Variants in OLA1 observed in about 807,000 individuals in gnomAD.
OLA1 encodes obg-like ATPase 1.
OLA1 carries 14 observed loss-of-function variants against 48.4 expected under a neutral mutation model. The observed-to-expected ratio is 0.29, with a 90% CI of 0.19 to 0.45. OLA1 has a LOEUF of 0.45. Ranked by LOEUF, OLA1 falls within the 20% of genes least tolerant of loss-of-function variation. OLA1 has a pLI of 1.00. For synonymous variants in OLA1, 127 were observed against 150.4 expected, an observed-to-expected ratio of 0.84 and a Z score of 1.14; for missense variants, 325 against 467.1, an observed-to-expected ratio of 0.70 and a Z score of 2.80.
At chr2:174,165,343 A>G (rs562540135) in intron 4 of OLA1, among the ~76,000 whole-genome samples, 1 of 152,342 alleles carries the variant, frequency 6.6e-6, no homozygotes, top group Non-Finnish European at 1.5e-5. Context: ...TCCAACTGAC[A>G]TAAGAGGTGA....
chr2:174,223,548 A>C (rs186257836), intron 3 of OLA1, among the ~76,000 whole-genome samples: 72 of 152,202 alleles, frequency 4.7e-4, no homozygotes, highest in Non-Finnish European at 6.6e-4. Context: ...GCCAGACACT[A>C]AATTAAGTAT....
rs2105385132 is a variant in OLA1, at chr2:174,147,082, T to C, written c.374-5082A>G. Among the ~76,000 whole-genome samples the C allele has an allele frequency of 2.0e-5, 3 of 152,214 alleles. No homozygotes were observed. The East Asian group carries it at 5.8e-4, about 29-fold the overall frequency. ...GAGCAGCAGAAGAAAACTACACTCA[T>C]ACAAGCATTAAAATCAAGTCACACA... On this transcript the variant is annotated intron_variant, in intron 4 of 10. Coordinates refer to ENST00000284719, the MANE Select transcript of OLA1 (RefSeq NM_013341.5).
At chr2:174,213,494 G>GA (rs149626018) in intron 4 of OLA1, among the ~76,000 whole-genome samples, 19 of 145,290 alleles carry the variant, frequency 1.3e-4, no homozygotes, top group East Asian at 8.0e-4. Flanking sequence ...TGTGTCAAAA[G>GA]AAAAAAAAAA....
intron 5 of OLA1, among the ~76,000 whole-genome samples, chr2:174,128,526 T>C (rs539175722): frequency 6.6e-6 from 1 of 152,018 alleles, no homozygotes; most frequent in East Asian, 1.9e-4. Flanking sequence ...GGTCAGGAGT[T>C]TGAGAACAGC....
intron 5 of OLA1, among the ~76,000 whole-genome samples, chr2:174,139,521 C>T (rs745506936): frequency 2.0e-5 from 3 of 152,212 alleles, no homozygotes; most frequent in Admixed American, 1.3e-4. Context: ...CCCACTCCTG[C>T]CTTCTTTATT....
At chr2:174,136,414 T>A (rs1481755211) in intron 5 of OLA1, among the ~76,000 whole-genome samples, 1 of 152,232 alleles carries the variant, frequency 6.6e-6, no homozygotes, top group Non-Finnish European at 1.5e-5. Flanking sequence ...AGATTCCATC[T>A]CAAGAAACCA....
intron 7 of OLA1, among the ~76,000 whole-genome samples, chr2:174,085,117 T>C (rs1462059609): frequency 1.3e-5 from 2 of 152,188 alleles, no homozygotes; most frequent in African/African-American, 2.4e-5. Context: ...GGAAATGCCA[T>C]TAGTTGTATT....
intron 7 of OLA1, among the ~76,000 whole-genome samples, chr2:174,100,558 C>T (rs1387479081): frequency 2.6e-5 from 4 of 152,142 alleles, no homozygotes; most frequent in Non-Finnish European, 5.9e-5. Flanking sequence ...GCATTCACCA[C>T]CACACATAGC....
chr2:174,074,562 T>C lies in OLA1; in HGVS notation c.*864A>G, dbSNP rs1237049841. On this transcript the variant is annotated 3_prime_UTR_variant, in exon 11 of 11. Coordinates refer to ENST00000284719, the MANE Select transcript of OLA1 (RefSeq NM_013341.5). The stretch of plus-strand genomic sequence containing the variant: ...TCAGTGTAGGAACTTTTATACACAT[T>C]GCTGAATTGAAGCAAAACATAACCC... 1 of 152,262 alleles carries C rather than the reference T, an allele frequency of 6.6e-6. No individual in the cohort carries two copies. Among genetic ancestry groups the C allele is most frequent in the Non-Finnish European group, 1.5e-5 (1 of 68,048 alleles). 9.4% of individuals were successfully genotyped at this position (152,262 alleles called of 1,614,324 possible). A position where few individuals can be genotyped will look rare whatever the true frequency, so the allele number is the denominator to read the frequency against.
In OLA1 at chr2:174,079,495, T is replaced by G. The variant is rs1257884896; in HGVS notation, c.967-405A>C. 6 of 153,174 alleles carry G rather than the reference T, an allele frequency of 3.9e-5. No individual in the cohort carries two copies. In the Admixed American group the frequency reaches 3.9e-4, roughly 10 times the overall value. The allele number at this position is 153,174 out of a possible 1,614,324, so 9.5% of individuals were successfully genotyped here. ...AATTTCAGCTCATCTAAAGAACATA[T>G]AAAAATCAATATACAAAGGGACATT... is the stretch of plus-strand genomic sequence containing the variant. On this transcript the variant is annotated intron_variant, in intron 9 of 10. Coordinates refer to ENST00000284719, the MANE Select transcript of OLA1 (RefSeq NM_013341.5).
intron 4 of OLA1, among the ~76,000 whole-genome samples, chr2:174,216,746 C>T (rs921307698): frequency 2.6e-5 from 4 of 151,774 alleles, no homozygotes; most frequent in African/African-American, 9.7e-5. Context: ...GTGGATCTCT[C>T]TATGTTGACC....
At chr2:174,210,386 C>T (rs1055129480) in intron 4 of OLA1, among the ~76,000 whole-genome samples, 4 of 152,086 alleles carry the variant, frequency 2.6e-5, no homozygotes, top group South Asian at 2.1e-4. Flanking sequence ...TTAAAATACG[C>T]ATACATCATT....
intron 9 of OLA1, among the ~76,000 whole-genome samples, chr2:174,080,701 G>A (rs549110370): frequency 1.3e-5 from 2 of 152,202 alleles, no homozygotes; most frequent in East Asian, 3.9e-4. Flanking sequence ...GTGTATCTAT[G>A]AAGAGCATAA....
chr2:174,238,278 C>A (rs1039157482), intron 2 of OLA1, among the ~76,000 whole-genome samples: 4 of 152,062 alleles, frequency 2.6e-5, no homozygotes, highest in Non-Finnish European at 5.9e-5. Flanking sequence ...GGCGGATCAC[C>A]TGAGGTCAGG....
At chr2:174,136,159 G>A (rs985597546) in intron 5 of OLA1, among the ~76,000 whole-genome samples, 2 of 152,140 alleles carry the variant, frequency 1.3e-5, no homozygotes, top group African/African-American at 4.8e-5. Flanking sequence ...AGGTTGGGTG[G>A]CTGTGACAAT....
intron 4 of OLA1, among the ~76,000 whole-genome samples, chr2:174,204,290 A>G (rs1688060873): frequency 6.6e-6 from 1 of 151,880 alleles, no homozygotes; most frequent in Non-Finnish European, 1.5e-5. Context: ...AGTCCCAGCT[A>G]CTCGGGAGGC....
In OLA1 at chr2:174,246,734, C is replaced by T; in HGVS notation, c.82G>A (p.Val28Ile). 1 of 1,610,148 alleles carries T rather than the reference C, an allele frequency of 6.2e-7. No homozygotes were observed. Among genetic ancestry groups the T allele is most frequent in the Non-Finnish European group, 8.5e-7 (1 of 1,177,242 alleles). The part of the protein sequence containing the change: ...RFGTSLKIGI[V>I]GLPNVGKSTF... ...ACCTACCCAACATTTGGCAATCCAA[C>T]AATACCAATTTTCAGTGAGGTTCCA... Residue 28 changes from valine (V) to isoleucine (I), a missense_variant, in exon 2 of 11, where the codon GTT (valine) becomes ATT (isoleucine). Val to Ile is a conservative substitution (Grantham distance 29). Coordinates refer to ENST00000284719, the MANE Select transcript of OLA1 (RefSeq NM_013341.5).
intron 7 of OLA1, among the ~76,000 whole-genome samples, chr2:174,114,296 C>T (rs1462334840): frequency 8.0e-5 from 10 of 124,544 alleles, no homozygotes; most frequent in Non-Finnish European, 6.3e-5. Context: ...GGGCAGAGAT[C>T]GCGCCACTGC....
At chr2:174,198,204 G>T (rs13415125) in intron 4 of OLA1, among the ~76,000 whole-genome samples, 10 of 152,072 alleles carry the variant, frequency 6.6e-5, no homozygotes, top group Non-Finnish European at 1.2e-4. Flanking sequence ...CTTGTGATCC[G>T]CCTGCCTTGG....
Sources: gnomAD v4.1 joint callset for allele counts (sites outside exome capture counted in the v4.1 genomes callset) on GRCh38, gnomAD v4.1.1 for gene constraint, MANE v1.5 for transcripts, NCBI Gene and HGNC (gene_info 2026-07-23, HGNC 2026-07-21) for gene names.